PTCD3: variants seen among roughly 807,000 people sequenced by gnomAD.
PTCD3 encodes the protein pentatricopeptide repeat domain 3.
In PTCD3, 89 loss-of-function variants were observed where a neutral mutation model predicts 101.9. The observed-to-expected ratio is 0.87, with a 90% CI of 0.74 to 1.04. The LOEUF (loss-of-function observed/expected upper bound fraction) is 1.04. PTCD3 is among the 50% of genes least tolerant of loss of function. PTCD3 has a pLI of 0.00. For synonymous variants in PTCD3, 296 were observed against 278.5 expected, an observed-to-expected ratio of 1.06 and a Z score of -0.63; for missense variants, 870 against 828.2, an observed-to-expected ratio of 1.05 and a Z score of -0.62.
At position 86,138,831 on chromosome 2, in the gene PTCD3, C is replaced by G. The variant is rs1166416843; in HGVS notation, c.*1272C>G. 1 of 152,194 alleles carries G rather than the reference C, an allele frequency of 6.6e-6. No homozygotes were observed. Among genetic ancestry groups the G allele is most frequent in the African/African-American group, 2.4e-5 (1 of 41,440 alleles). 9.4% of individuals were successfully genotyped at this position (152,194 alleles called of 1,614,324 possible). ...GCCTTGGCCACCTGAAATGTTAACT[C>G]GGTCCCTTCCTGTCTCTAGTTCATC... On this transcript the variant is annotated 3_prime_UTR_variant, in exon 24 of 24. Coordinates refer to ENST00000254630, the MANE Select transcript of PTCD3 (RefSeq NM_017952.6).
intron 1 of PTCD3, among the ~76,000 whole-genome samples, chr2:86,106,828 C>T (rs887034983): frequency 2.0e-5 from 3 of 152,040 alleles, no homozygotes; most frequent in Non-Finnish European, 2.9e-5. Context: ...CTGACTATGC[C>T]CTTTTGATCT....
At chr2:86,106,374 G>T in intron 1 of PTCD3, 23 bp downstream of exon 1, 1 of 1,607,608 alleles carries the variant, frequency 6.2e-7, no homozygotes, top group Non-Finnish European at 8.5e-7. Context: ...TAGGGTATCC[G>T]CGAAGAAGAC....
intron 1 of PTCD3, among the ~76,000 whole-genome samples, chr2:86,106,706 G>A (rs969131207): frequency 6.6e-6 from 1 of 152,196 alleles, no homozygotes; most frequent in Non-Finnish European, 1.5e-5. Context: ...CAGGAGGAGC[G>A]AGGAGAACGT....
chr2:86,122,784 G>A (rs2104454690), intron 8 of PTCD3, among the ~76,000 whole-genome samples: 1 of 152,310 alleles, frequency 6.6e-6, no homozygotes, highest in Admixed American at 6.5e-5. Context: ...GTTAAACCTT[G>A]CTTTCCAGAG....
chr2:86,122,727 A>T (rs1268328302), intron 8 of PTCD3, among the ~76,000 whole-genome samples: 4 of 152,206 alleles, frequency 2.6e-5, no homozygotes, highest in African/African-American at 9.7e-5. Flanking sequence ...TGGATTATTT[A>T]TGTAGAGAAC....
At chr2:86,111,204 AAC>A in intron 4 of PTCD3, 46 bp downstream of exon 4, 1 of 1,504,220 alleles carries the variant, frequency 6.6e-7, no homozygotes, top group South Asian at 1.1e-5. Context: ...CTTGGCTAAT[AAC>A]ACACTTTTTA....
chr2:86,117,510 C>T (rs2104451519), intron 6 of PTCD3, among the ~76,000 whole-genome samples: 1 of 150,914 alleles, frequency 6.6e-6, no homozygotes, highest in Non-Finnish European at 1.5e-5. Flanking sequence ...TGCAATGGTA[C>T]AATCATAGCT....
chr2:86,121,695 T>TA, intron 8 of PTCD3, 101 bp downstream of exon 8: 1 of 691,648 alleles, frequency 1.4e-6, no homozygotes, highest in South Asian at 1.9e-5. Flanking sequence ...GTCAGGGTAG[T>TA]AGAGATTTGT....
In PTCD3 at chr2:86,137,696, A is replaced by T; in HGVS notation, c.*137A>T. The T allele has an allele frequency of 7.7e-7, 1 of 1,295,598 alleles. No homozygotes were observed. The highest frequency in any genetic ancestry group is 1.1e-6 in the Non-Finnish European group (1 of 941,802). The allele number at this position is 1,295,598 out of a possible 1,614,324, so 80.3% of individuals were successfully genotyped here. ...TGGTGAATTTGTTACTGTGAGGTAC[A>T]GTCAGTACACAGCTGACTTATGTAG... On this transcript the variant is annotated 3_prime_UTR_variant, in exon 24 of 24. Transcript: ENST00000254630.
intron 17 of PTCD3, chr2:86,132,670 T>TC (rs1674514766): frequency 2.5e-6 from 1 of 396,334 alleles, no homozygotes; most frequent in African/African-American, 2.1e-5. Flanking sequence ...CATATCTTTT[T>TC]CCTCTACCCC....
intron 14 of PTCD3, among the ~76,000 whole-genome samples, chr2:86,129,040 A>G (rs960714855): frequency 7.2e-5 from 11 of 152,062 alleles, no homozygotes; most frequent in African/African-American, 2.7e-4. Flanking sequence ...GGTTTGGAGG[A>G]CTAATTTTGT....
intron 23 of PTCD3, 105 bp from the exon 24 acceptor site, chr2:86,137,364 T>C (rs1214852646): frequency 2.9e-5 from 44 of 1,497,892 alleles, no homozygotes; most frequent in Non-Finnish European, 3.9e-5. Context: ...AGGGTCCCTT[T>C]TTCTGATTTC....
Position 86,117,900 on chromosome 2 carries a change from C to T in PTCD3, c.414+741C>T, listed in dbSNP as rs1211288377. Among the ~76,000 whole-genome samples, 6 of 152,150 alleles carry T rather than the reference C, an allele frequency of 3.9e-5. No homozygotes were observed. In the East Asian group the frequency reaches 1.2e-3, roughly 29 times the overall value. On this transcript the variant is annotated intron_variant, in intron 6 of 23. Transcript: ENST00000254630. ...CAAGCAATTCTCCTGCCTCAGCCTC[C>T]TGAGCAGCTGGGATTACAGGTGCCT...
In PTCD3 at chr2:86,131,069, G is replaced by T. The variant is rs748695185; in HGVS notation, c.1238-9G>T. ...TGTAACCAAAGCTCTTGTGAACTTT[G>T]ATTTTCAGATAAGTTTTTTCAGTCA... On this transcript the variant is annotated splice_polypyrimidine_tract_variant and intron_variant, in intron 15 of 23. Transcript: ENST00000254630. 6.2e-7 allele frequency: 1 copy of T among 1,602,384 alleles called. No homozygotes were observed. The highest frequency in any genetic ancestry group is 8.5e-7 in the Non-Finnish European group (1 of 1,175,098).
rs770159654 is a variant in PTCD3 at position 86,117,143 on chromosome 2, C to G, written c.398C>G (p.Ala133Gly). Residue 133 changes from alanine to glycine, a missense_variant, in exon 6 of 24, where the codon GCT (alanine) becomes GGT (glycine). Transcript: ENST00000254630. ...SYPKYFQKDI[A>G]EPHIPCLMPE... ...CCCAAATATTTTCAGAAGGACATAG[C>G]TGAACCTCATATACCGGTAAGGAGA... The G allele has an allele frequency of 7.9e-7, 1 of 1,270,454 alleles. No individual in the cohort carries two copies. Among genetic ancestry groups the G allele is most frequent in the South Asian group, 1.2e-5 (1 of 83,748 alleles). 78.7% of individuals were successfully genotyped at this position (1,270,454 alleles called of 1,614,324 possible).
intron 9 of PTCD3, 72 bp from the exon 10 acceptor site, chr2:86,124,923 C>T (rs1202045926): frequency 1.1e-5 from 17 of 1,567,674 alleles, no homozygotes; most frequent in South Asian, 2.4e-5. Context: ...CATAATAAAC[C>T]GTCAGTAAAT....
chr2:86,112,263 C>T (rs1168526871), intron 4 of PTCD3, among the ~76,000 whole-genome samples: 2 of 149,608 alleles, frequency 1.3e-5, no homozygotes, highest in Non-Finnish European at 3.0e-5. Flanking sequence ...TCGCTGTGCT[C>T]ACCAGGATGG....
intron 10 of PTCD3, 39 bp downstream of exon 10, chr2:86,125,121 C>T (rs751488271): frequency 1.9e-5 from 30 of 1,607,990 alleles, no homozygotes; most frequent in Admixed American, 3.4e-5. Context: ...TCATTTCCAC[C>T]GATCAGGGTG....
chr2:86,106,699 G>A (rs1673958227), intron 1 of PTCD3, among the ~76,000 whole-genome samples: 1 of 152,136 alleles, frequency 6.6e-6, no homozygotes, highest in East Asian at 1.9e-4. Flanking sequence ...ACCCAATCAG[G>A]AGGAGCGAGG....
Sources: allele counts gnomAD v4.1 joint callset (sites outside exome capture counted in the v4.1 genomes callset), GRCh38; gene constraint gnomAD v4.1.1; transcripts MANE v1.5; gene names NCBI Gene and HGNC (gene_info 2026-07-23, HGNC 2026-07-21).